The following SLC7A9 variants were observed in gnomAD, a reference collection of about 807,000 sequenced individuals.
SLC7A9 encodes the protein solute carrier family 7 member 9, also known as B(0,+)-type amino acid transporter 1.
In SLC7A9, 38 loss-of-function variants were observed where a neutral mutation model predicts 54.1. The ratio of observed to expected loss-of-function variants is 0.70; its 90% CI spans 0.54 to 0.92. The LOEUF is 0.92. SLC7A9 is among the 40% of genes least tolerant of loss of function. SLC7A9 has a pLI of 0.00. For missense variants in SLC7A9, 537 were observed against 636.1 expected, an observed-to-expected ratio of 0.84 and a Z score of 1.68; for synonymous variants, 264 against 258.9, an observed-to-expected ratio of 1.02 and a Z score of -0.19.
At chr19:32,847,736 A>T (rs1438304512) in intron 9 of SLC7A9, among the ~76,000 whole-genome samples, 1 of 152,200 alleles carries the variant, frequency 6.6e-6, no homozygotes, top group Non-Finnish European at 1.5e-5. Flanking sequence ...CATAATTGTC[A>T]GATTCACCAA....
intron 11 of SLC7A9, among the ~76,000 whole-genome samples, chr19:32,841,614 T>G (rs1209081789): frequency 6.6e-6 from 1 of 152,068 alleles, no homozygotes; most frequent in Non-Finnish European, 1.5e-5. Context: ...GTGCGAGAGA[T>G]ATCAGAACTG....
At chr19:32,855,498 G>A (rs930977704) in intron 9 of SLC7A9, among the ~76,000 whole-genome samples, 2 of 152,124 alleles carry the variant, frequency 1.3e-5, no homozygotes, top group African/African-American at 4.8e-5. Flanking sequence ...AGGAGATCAA[G>A]ACCATCCTGG....
intron 11 of SLC7A9, among the ~76,000 whole-genome samples, chr19:32,834,118 C>T (rs1967886751): frequency 2.0e-5 from 3 of 152,096 alleles, no homozygotes; most frequent in South Asian, 2.1e-4. Context: ...TCATTGTTCA[C>T]GTTGTTCAGA....
At chr19:32,851,169 C>T (rs1379950566) in intron 9 of SLC7A9, among the ~76,000 whole-genome samples, 2 of 152,086 alleles carry the variant, frequency 1.3e-5, no homozygotes, top group African/African-American at 4.8e-5. Flanking sequence ...CCAAAATTGA[C>T]AAATGGGATC....
intron 4 of SLC7A9, among the ~76,000 whole-genome samples, chr19:32,863,268 C>T (rs1166670094): frequency 6.6e-6 from 1 of 151,776 alleles, no homozygotes; most frequent in Admixed American, 6.6e-5. Flanking sequence ...TGCACTACCC[C>T]ACCACCCCCC....
At position 32,853,836 on chromosome 19, in the gene SLC7A9, G is replaced by C. The variant is rs372920661; in HGVS notation, c.977+4604C>G. On this transcript the variant is annotated intron_variant, in intron 9 of 12. Transcript: ENST00000023064. ...GGAGGCTGAGGCATGAGAATCGCTT[G>C]AACCTGGGAGGCAGATGTTGCAGTG... is the stretch of plus-strand genomic sequence containing the variant. 8.6e-5 allele frequency among the ~76,000 whole-genome samples: 13 copies of C among 150,440 alleles called. No homozygotes were observed. In the South Asian group the frequency reaches 2.7e-3, roughly 32 times the overall value.
intron 9 of SLC7A9, among the ~76,000 whole-genome samples, chr19:32,847,070 C>A (rs979036336): frequency 6.6e-6 from 1 of 152,126 alleles, no homozygotes; most frequent in African/African-American, 2.4e-5. Flanking sequence ...AGTAGATAAA[C>A]CACAAAGATG....
chr19:32,858,641 C>T, intron 8 of SLC7A9, 98 bp from the exon 9 acceptor site: 1 of 874,796 alleles, frequency 1.1e-6, no homozygotes. Flanking sequence ...GACCCAGGGA[C>T]CCACCTCGCC....
In SLC7A9 at chr19:32,858,505, G is replaced by A. The variant is rs768937195; in HGVS notation, c.912C>T (p.Ile304=). 8 of 1,613,302 alleles carry A rather than the reference G, an allele frequency of 5.0e-6. No homozygotes were observed. Among genetic ancestry groups the A allele is most frequent in the Middle Eastern group, 1.6e-4 (1 of 6,084 alleles). ...GDRVLYPASW[I]VPLFVAFSTI... is the part of the protein sequence containing the mutation. ...TTGAAAATGCCACAAAAAGTGGAACGATCCAAGAAGCAGGATAGAGAACAC... is the reference window on the plus strand; with the variant it reads ...TTGAAAATGCCACAAAAAGTGGAACAATCCAAGAAGCAGGATAGAGAACAC... The change falls in exon 9 of 13, where the codon ATC becomes ATT. Residue 304 remains isoleucine, a synonymous_variant. Transcript: ENST00000023064.
At chr19:32,856,570 T>C (rs2145833852) in intron 9 of SLC7A9, among the ~76,000 whole-genome samples, 1 of 152,260 alleles carries the variant, frequency 6.6e-6, no homozygotes, top group East Asian at 1.9e-4. Flanking sequence ...TTACATGTAT[T>C]GAAACATCAC....
intron 10 of SLC7A9, among the ~76,000 whole-genome samples, chr19:32,842,729 C>T (rs1047807640): frequency 6.6e-6 from 1 of 151,962 alleles, no homozygotes; most frequent in Non-Finnish European, 1.5e-5. Flanking sequence ...TCTCCTGCCT[C>T]GGCCTCCTGA....
chr19:32,868,761 A>G, intron 1 of SLC7A9, 116 bp from the exon 2 acceptor site: 2 of 604,084 alleles, frequency 3.3e-6, no homozygotes, highest in Non-Finnish European at 6.1e-6. Flanking sequence ...AGGCAGGGGA[A>G]CACAGCTCCC....
intron 2 of SLC7A9, among the ~76,000 whole-genome samples, chr19:32,868,100 G>T (rs368005669): frequency 6.6e-6 from 1 of 151,404 alleles, no homozygotes; most frequent in Non-Finnish European, 1.5e-5. Flanking sequence ...GTATGGTGGC[G>T]GGTGCTTGTA....
chr19:32,835,088 G>A (rs919132582), intron 11 of SLC7A9, among the ~76,000 whole-genome samples: 2 of 152,198 alleles, frequency 1.3e-5, no homozygotes, highest in Non-Finnish European at 2.9e-5. Context: ...ATCACACCCA[G>A]CCCCTGAATT....
chr19:32,854,794 G>C (rs972679209), intron 9 of SLC7A9, among the ~76,000 whole-genome samples: 7 of 152,084 alleles, frequency 4.6e-5, no homozygotes, highest in African/African-American at 1.7e-4. Context: ...CACCATGTTG[G>C]CCAGTTTGGT....
intron 9 of SLC7A9, among the ~76,000 whole-genome samples, chr19:32,844,375 A>T (rs1360272851): frequency 6.6e-6 from 1 of 152,158 alleles, no homozygotes; most frequent in Non-Finnish European, 1.5e-5. Context: ...TATTAATGTG[A>T]GCTCTAGCCA....
At chr19:32,832,197 G>A (rs149752214) in intron 12 of SLC7A9, among the ~76,000 whole-genome samples, 6,308 of 152,090 alleles carry the variant, frequency 0.041, 245 homozygotes, top group East Asian at 0.23. Context: ...GCTGAGGCAG[G>A]AAAATCGCTT....
chr19:32,847,407 G>A (rs1323389388), intron 9 of SLC7A9, among the ~76,000 whole-genome samples: 2 of 152,294 alleles, frequency 1.3e-5, no homozygotes, highest in Admixed American at 6.5e-5. Context: ...CTCAGGAGCC[G>A]ATGCGATCAA....
chr19:32,837,508 A>G (rs897394221), intron 11 of SLC7A9, among the ~76,000 whole-genome samples: 3 of 91,020 alleles, frequency 3.3e-5, no homozygotes, highest in South Asian at 3.6e-4. Context: ...AAAAAAAAAA[A>G]AAAAAAAAAA....
Sources: allele counts gnomAD v4.1 joint callset (sites outside exome capture counted in the v4.1 genomes callset), GRCh38; gene constraint gnomAD v4.1.1; transcripts MANE v1.5; gene names NCBI Gene and HGNC (gene_info 2026-07-23, HGNC 2026-07-21).